The following PLA2G2C variants were observed in gnomAD, a reference collection of about 807,000 sequenced individuals.
The protein encoded by PLA2G2C is putative inactive group IIC secretory phospholipase A2.
PLA2G2C carries 15 observed loss-of-function variants against 14.3 expected under a neutral mutation model. The observed-to-expected ratio is 1.05, with a 90% CI of 0.70 to 1.62. The LOEUF is 1.62. Among genes scored for constraint, PLA2G2C ranks in the 40% most tolerant of loss-of-function variants. The pLI, the probability that PLA2G2C is intolerant of heterozygous loss-of-function variation, is 0.00. For synonymous variants in PLA2G2C, 79 were observed against 67.7 expected (o/e 1.17, Z -0.82); for missense variants, 162 against 173.2 (o/e 0.94, Z 0.36).
In PLA2G2C at chr1:20,163,097, GT is replaced by G. The variant is rs2017893232; in HGVS notation, c.*893del. ...CTTTATTTAGCTCACAATTCTGCAT[GT>G]TGGCAGTTTAGCCTGGGCTCAGCTG... On this transcript the variant is annotated 3_prime_UTR_variant, in exon 5 of 5. Coordinates refer to ENST00000679259, the MANE Select transcript of PLA2G2C (RefSeq NM_001367969.2). The G allele has an allele frequency of 6.6e-6, 1 of 152,260 alleles. No individual in the cohort carries two copies. The highest frequency in any genetic ancestry group is 1.5e-5 in the Non-Finnish European group (1 of 68,062). 9.4% of individuals were successfully genotyped at this position (152,260 alleles called of 1,614,324 possible). A position where few individuals can be genotyped will look rare whatever the true frequency, so the allele number is the denominator to read the frequency against.
intron 4 of PLA2G2C, among the ~76,000 whole-genome samples, chr1:20,165,005 G>A (rs1340450849): frequency 6.6e-6 from 1 of 152,236 alleles, no homozygotes; most frequent in African/African-American, 2.4e-5. Context: ...CAGCCCCAGT[G>A]TGGTTTCCTA....
At chr1:20,164,250 C>T (rs1199168020) in intron 4 of PLA2G2C, 93 bp from the exon 5 acceptor site, 1 of 1,325,680 alleles carries the variant, frequency 7.5e-7, no homozygotes, top group Non-Finnish European at 1.0e-6. Context: ...CTGTAAGGGG[C>T]CAAGGGTTAA....
chr1:20,166,075 C>A (rs2017973542), intron 4 of PLA2G2C, among the ~76,000 whole-genome samples: 1 of 152,348 alleles, frequency 6.6e-6, no homozygotes, highest in Non-Finnish European at 1.5e-5. Context: ...GACAAGTGGT[C>A]CGGATGTGCC....
chr1:20,177,498 T>C, intron 1 of PLA2G2C, 59 bp from the exon 2 acceptor site: 1 of 564,056 alleles, frequency 1.8e-6, no homozygotes, highest in South Asian at 2.3e-5. Flanking sequence ...AAGCCCTAAT[T>C]GTAGTGCCTT....
At chr1:20,172,573 C>T (rs2018105447) in intron 4 of PLA2G2C, among the ~76,000 whole-genome samples, 1 of 152,082 alleles carries the variant, frequency 6.6e-6, no homozygotes, top group Non-Finnish European at 1.5e-5. Context: ...CTCTGGGCCC[C>T]CAGAGAGTTC....
chr1:20,185,360 T>G (rs1436883624), intron 1 of PLA2G2C, among the ~76,000 whole-genome samples: 1 of 151,942 alleles, frequency 6.6e-6, no homozygotes, highest in African/African-American at 2.4e-5. Context: ...GCAGGGAGGA[T>G]CCTTTTGAGA....
chr1:20,169,324 T>G (rs1224265845), intron 4 of PLA2G2C, among the ~76,000 whole-genome samples: 1 of 152,112 alleles, frequency 6.6e-6, no homozygotes, highest in Non-Finnish European at 1.5e-5. Context: ...ACTACAGGTA[T>G]GCACCACCAC....
rs370597428 is a variant in PLA2G2C, at chr1:20,175,066, G to C, written c.120C>G (p.Tyr40Ter). The part of the protein sequence containing the change: ...ITGRSAFFSY[Y>*]GYGCYCGLGD... ...CAAGCCCACAGTAGCAGCCATATCC[G>C]TAATATGAGAAGAAGGCACTTCGCC... is the stretch of plus-strand genomic sequence containing the variant. The change falls in exon 3 of 5, where the codon TAC (tyrosine) becomes TAG (stop). Residue 40 changes from tyrosine (Y) to a stop codon, truncating the protein, a stop_gained. Transcript: ENST00000679259. LOFTEE classifies it high-confidence loss of function. 2.5e-6 allele frequency: 4 copies of C among 1,613,992 alleles called. No homozygotes were observed. Among genetic ancestry groups the C allele is most frequent in the Admixed American group, 3.3e-5 (2 of 60,026 alleles).
At chr1:20,165,742 GTA>G (rs1219654631) in intron 4 of PLA2G2C, among the ~76,000 whole-genome samples, 4 of 152,086 alleles carry the variant, frequency 2.6e-5, no homozygotes, top group Admixed American at 6.5e-5. Flanking sequence ...GTGTGTGCAG[GTA>G]TGTGTCCATG....
At chr1:20,178,884 T>C (rs146690389) in intron 1 of PLA2G2C, among the ~76,000 whole-genome samples, 2 of 152,240 alleles carry the variant, frequency 1.3e-5, no homozygotes, top group African/African-American at 4.8e-5. Context: ...CCATGTGGGC[T>C]GCAATTCTGT....
intron 4 of PLA2G2C, among the ~76,000 whole-genome samples, chr1:20,164,945 G>A (rs922737250): frequency 6.6e-6 from 1 of 152,230 alleles, no homozygotes; most frequent in Non-Finnish European, 1.5e-5. Context: ...AAGGAAATAA[G>A]CAGGGACCTT....
Position 20,177,441 on chromosome 1 carries a change from T to G in PLA2G2C, c.-76-2A>C, listed in dbSNP as rs947996456. ...GTGAGGGGTCTCCCAGCTGAACCTC[T>G]GTTCCAGGACAAAATGACCAAAATG... On this transcript the variant is annotated splice_acceptor_variant, in intron 1 of 4. Coordinates refer to ENST00000679259, the MANE Select transcript of PLA2G2C (RefSeq NM_001367969.2). LOFTEE classifies it low-confidence loss of function (5UTR_SPLICE). The G allele has an allele frequency of 8.3e-6, 5 of 605,718 alleles. No homozygotes were observed. The Admixed American group carries it at 9.0e-5, about 11-fold the overall frequency. The allele number at this position is 605,718 out of a possible 1,614,324, so 37.5% of individuals were successfully genotyped here. A position where few individuals can be genotyped will look rare whatever the true frequency, so the allele number is the denominator to read the frequency against.
In PLA2G2C at chr1:20,184,197, G is replaced by GCACACGCA. The variant is rs1553184787; in HGVS notation, c.-77+2162_-77+2163insTGCGTGTG. The GCACACGCA allele has an allele frequency of 7.4e-5, 11 of 149,618 alleles. No individual in the cohort carries two copies. The South Asian group carries it at 2.3e-3, about 32-fold the overall frequency. 9.3% of individuals were successfully genotyped at this position (149,618 alleles called of 1,614,324 possible). A position where few individuals can be genotyped will look rare whatever the true frequency, so the allele number is the denominator to read the frequency against. The stretch of plus-strand genomic sequence containing the variant: ...CAAAGGCGCGCGTGCGTGCGCACAC[G>GCACACGCA]CACACACACACACACACACACACAC... On this transcript the variant is annotated intron_variant, in intron 1 of 4. Coordinates refer to ENST00000679259, the MANE Select transcript of PLA2G2C (RefSeq NM_001367969.2).
intron 4 of PLA2G2C, among the ~76,000 whole-genome samples, chr1:20,166,276 C>T (rs975538833): frequency 2.0e-5 from 3 of 152,224 alleles, no homozygotes; most frequent in East Asian, 1.9e-4. Flanking sequence ...GAACTTCTCA[C>T]GTTGTGCCAA....
chr1:20,179,782 G>C (rs181129350), intron 1 of PLA2G2C, among the ~76,000 whole-genome samples: 45 of 146,752 alleles, frequency 3.1e-4, no homozygotes, highest in African/African-American at 1.1e-3. Context: ...TTGTCCCTCT[G>C]TGTCACTTTC....
chr1:20,176,363 C>T lies in PLA2G2C; in HGVS notation c.40+961G>A, dbSNP rs565506484. Among the ~76,000 whole-genome samples the T allele has an allele frequency of 5.6e-4, 85 of 152,268 alleles. 1 individual carries two copies. In the South Asian group the frequency reaches 0.016, roughly 29 times the overall value. ...TGGGGAGGATGAGGAGGAGCTTTAC[C>T]TTGTTGCTATATACTCATTTATTTT... On this transcript the variant is annotated intron_variant, in intron 2 of 4. Transcript: ENST00000679259.
At chr1:20,175,948 T>C (rs1238493967) in intron 2 of PLA2G2C, among the ~76,000 whole-genome samples, 1 of 151,646 alleles carries the variant, frequency 6.6e-6, no homozygotes, top group Non-Finnish European at 1.5e-5. Context: ...TCGCTGTTGT[T>C]ACCCAGGCTG....
intron 4 of PLA2G2C, among the ~76,000 whole-genome samples, chr1:20,167,987 T>C (rs1425922779): frequency 6.6e-6 from 1 of 152,252 alleles, no homozygotes; most frequent in Non-Finnish European, 1.5e-5. Flanking sequence ...CTTGTTCTTT[T>C]TGGAACACAA....
chr1:20,177,010 A>C (rs544777787), intron 2 of PLA2G2C, among the ~76,000 whole-genome samples: 70 of 152,208 alleles, frequency 4.6e-4, no homozygotes, highest in Non-Finnish European at 8.8e-4. Flanking sequence ...GCCTTAAATA[A>C]AGGCTACTAG....
Sources: allele counts gnomAD v4.1 joint callset (sites outside exome capture counted in the v4.1 genomes callset), GRCh38; gene constraint gnomAD v4.1.1; transcripts MANE v1.5; gene names NCBI Gene and HGNC (gene_info 2026-07-23, HGNC 2026-07-21).